CFAP90: variants seen among roughly 807,000 people sequenced by gnomAD.
CFAP90 encodes cilia- and flagella-associated protein 90.
chr5:7,836,843 G>C, the CFAP90 span, among the ~76,000 whole-genome samples: 4,086 of 152,122 alleles, frequency 0.027, 149 homozygotes, highest in African/African-American at 0.083. Flanking sequence ...ACTTCATCAA[G>C]TGCTTTGGGA....
chr5:7,840,273 C>T, the CFAP90 span, among the ~76,000 whole-genome samples: 9,636 of 152,248 alleles, frequency 0.063, 414 homozygotes, highest in Non-Finnish European at 0.092. Flanking sequence ...CAGTGACCTC[C>T]ACCCCTGATC....
At chr5:7,839,389 A>G in the CFAP90 span, among the ~76,000 whole-genome samples, 3 of 152,218 alleles carry the variant, frequency 2.0e-5, no homozygotes, top group Admixed American at 6.5e-5. Context: ...TCTTCTGCAC[A>G]GTGCTTTTAA....
At chr5:7,848,903 G>A in the CFAP90 span, among the ~76,000 whole-genome samples, 309 of 152,272 alleles carry the variant, frequency 2.0e-3, no homozygotes, top group East Asian at 3.7e-3. Context: ...TCCCAGCCAT[G>A]CTGAACTGTG....
At chr5:7,836,488 CAG>C in the CFAP90 span, among the ~76,000 whole-genome samples, 1 of 152,134 alleles carries the variant, frequency 6.6e-6, no homozygotes, top group Non-Finnish European at 1.5e-5. Context: ...GGGGACATCT[CAG>C]GGTGATTACC....
the CFAP90 span, among the ~76,000 whole-genome samples, chr5:7,849,371 C>T: frequency 6.6e-6 from 1 of 152,094 alleles, no homozygotes; most frequent in Non-Finnish European, 1.5e-5. Flanking sequence ...CTGGGAACAC[C>T]TTATACACCA....
chr5:7,833,579 CAT>C, the CFAP90 span, among the ~76,000 whole-genome samples: 1 of 152,070 alleles, frequency 6.6e-6, no homozygotes, highest in African/African-American at 2.4e-5. Context: ...CACACACAAA[CAT>C]ATGTACAACA....
At chr5:7,850,943 C>A in the CFAP90 span, 1 of 1,345,716 alleles carries the variant, frequency 7.4e-7, no homozygotes, top group Non-Finnish European at 9.6e-7. Flanking sequence ...TAGCTGAAGG[C>A]GGACTGCGCC....
chr5:7,836,214 C>A, the CFAP90 span, among the ~76,000 whole-genome samples: 2 of 152,176 alleles, frequency 1.3e-5, no homozygotes, highest in Admixed American at 1.3e-4. Context: ...AATGACATTT[C>A]TAAGGTTATA....
chr5:7,831,803 G>T, the CFAP90 span: 12 of 1,560,204 alleles, frequency 7.7e-6, no homozygotes, highest in Non-Finnish European at 1.1e-5. Flanking sequence ...GTGCAAACTT[G>T]CCAGGCCACA....
At chr5:7,831,980 C>T in the CFAP90 span, 90 of 1,613,908 alleles carry the variant, frequency 5.6e-5, no homozygotes, top group East Asian at 5.8e-4. Flanking sequence ...CTGATTGATG[C>T]GCTTCCCATA....
the CFAP90 span, among the ~76,000 whole-genome samples, chr5:7,849,748 G>C: frequency 6.6e-6 from 1 of 152,252 alleles, no homozygotes; most frequent in East Asian, 1.9e-4. Flanking sequence ...AGAACAGAGG[G>C]ACCACTCTCA....
At chr5:7,841,741 C>T in the CFAP90 span, among the ~76,000 whole-genome samples, 9 of 152,108 alleles carry the variant, frequency 5.9e-5, no homozygotes, top group Non-Finnish European at 8.8e-5. Flanking sequence ...AACCAAATCC[C>T]GCATGTTCTT....
At chr5:7,850,582 C>T in the CFAP90 span, among the ~76,000 whole-genome samples, 2 of 147,094 alleles carry the variant, frequency 1.4e-5, no homozygotes, top group African/African-American at 5.0e-5. Flanking sequence ...GCTGCCTCCC[C>T]TAAGGTAACC....
At chr5:7,850,801 C>CCCT in the CFAP90 span, 1 of 300,860 alleles carries the variant, frequency 3.3e-6, no homozygotes, top group East Asian at 8.3e-5. Flanking sequence ...GCCGCCCAGC[C>CCCT]GCCCAGCCGC....
chr5:7,840,823 T>A, the CFAP90 span, among the ~76,000 whole-genome samples: 1 of 152,070 alleles, frequency 6.6e-6, no homozygotes, highest in African/African-American at 2.4e-5. Flanking sequence ...GATGTCCTTA[T>A]TGAAAGGAGA....
the CFAP90 span, among the ~76,000 whole-genome samples, chr5:7,838,986 AAAAG>A: frequency 5.3e-5 from 8 of 152,216 alleles, no homozygotes; most frequent in Non-Finnish European, 8.8e-5. Flanking sequence ...GGCAATTTAT[AAAAG>A]AAAGAGGTTT....
the CFAP90 span, among the ~76,000 whole-genome samples, chr5:7,833,626 CACAT>C: frequency 4.6e-5 from 7 of 152,102 alleles, no homozygotes; most frequent in Non-Finnish European, 7.3e-5. Flanking sequence ...TACATGTACA[CACAT>C]ATATACATAC....
the CFAP90 span, among the ~76,000 whole-genome samples, chr5:7,832,639 C>T: frequency 6.6e-6 from 1 of 152,140 alleles, no homozygotes; most frequent in Non-Finnish European, 1.5e-5. Flanking sequence ...AAGCGTGCAC[C>T]ACCACGCTCG....
chr5:7,838,586 G>A, the CFAP90 span, among the ~76,000 whole-genome samples: 5 of 152,172 alleles, frequency 3.3e-5, no homozygotes, highest in African/African-American at 9.7e-5. Context: ...ACACTGGCCA[G>A]CCAATAGCTT....
Sources: allele counts gnomAD v4.1 joint callset (sites outside exome capture counted in the v4.1 genomes callset), GRCh38; gene constraint gnomAD v4.1.1; transcripts MANE v1.5; gene names NCBI Gene and HGNC (gene_info 2026-07-23, HGNC 2026-07-21).